OSBPL10: variants seen among roughly 807,000 people sequenced by gnomAD.
OSBPL10 encodes the protein oxysterol binding protein like 10, also known as oxysterol-binding protein-related protein 10.
Under a neutral mutation model 81.7 loss-of-function variants are expected in OSBPL10, and 49 were observed. The observed-to-expected ratio is 0.60, with a 90% CI of 0.48 to 0.76. OSBPL10 has a LOEUF of 0.76. OSBPL10 is among the 30% of genes least tolerant of loss of function. The probability of loss-of-function intolerance (pLI) is 0.00; values close to 1 mark genes in which losing one functional copy is unlikely to be tolerated. For synonymous variants in OSBPL10, 419 were observed against 383.6 expected, an observed-to-expected ratio of 1.09 and a Z score of -1.08; for missense variants, 923 against 987.8, an observed-to-expected ratio of 0.93 and a Z score of 0.88.
intron 7 of OSBPL10, among the ~76,000 whole-genome samples, chr3:31,685,471 A>G (rs1372305037): frequency 6.6e-6 from 1 of 152,210 alleles, no homozygotes; most frequent in East Asian, 1.9e-4. Flanking sequence ...CCAAACAGTT[A>G]TCGGGTATTA....
intron 4 of OSBPL10, among the ~76,000 whole-genome samples, chr3:31,790,574 G>A (rs1402939230): frequency 2.0e-5 from 3 of 152,164 alleles, no homozygotes; most frequent in Non-Finnish European, 1.5e-5. Context: ...AAGATTAAGA[G>A]GCCATCTGAT....
At chr3:31,724,177 C>T (rs1345892575) in intron 6 of OSBPL10, among the ~76,000 whole-genome samples, 1 of 152,188 alleles carries the variant, frequency 6.6e-6, no homozygotes, top group Non-Finnish European at 1.5e-5. Flanking sequence ...AAAACTCAGA[C>T]TAAACACTGC....
Position 31,683,785 on chromosome 3 carries a change from T to C in OSBPL10, c.1575A>G (p.Lys525=), listed in dbSNP as rs1700718319. The change falls in exon 8 of 12, where the codon AAA becomes AAG. Residue 525 remains lysine, a synonymous_variant. Transcript: ENST00000396556. ...ACACTTGCTCAGCCACAAACCTTAG[T>C]TTGTAGCTTTTGGAAGGGTCATCGG... ...PMADDPSKSY[K]LRFVAEQVSH... is the part of the protein sequence containing the mutation. The C allele has an allele frequency of 1.9e-6, 3 of 1,614,092 alleles. No individual in the cohort carries two copies. Among genetic ancestry groups the C allele is most frequent in the Non-Finnish European group, 2.5e-6 (3 of 1,180,026 alleles).
At chr3:31,948,272 G>A (rs1697761269) in intron 1 of OSBPL10, among the ~76,000 whole-genome samples, 1 of 152,086 alleles carries the variant, frequency 6.6e-6, no homozygotes, top group African/African-American at 2.4e-5. Flanking sequence ...AAAGAGGGAA[G>A]GGCCATTCAT....
At chr3:31,740,591 C>CA (rs34945935) in intron 5 of OSBPL10, among the ~76,000 whole-genome samples, 2 of 150,744 alleles carry the variant, frequency 1.3e-5, no homozygotes, top group South Asian at 2.1e-4. Flanking sequence ...TGAGGACTAC[C>CA]AAAAAAAATA....
intron 1 of OSBPL10, among the ~76,000 whole-genome samples, chr3:32,071,548 T>C (rs1002837842): frequency 2.0e-5 from 3 of 152,230 alleles, no homozygotes; most frequent in Non-Finnish European, 2.9e-5. Flanking sequence ...GTAGCCTTTT[T>C]GTCCAAACAA....
chr3:31,993,681 TACACACACAC>T (rs139678560), intron 2 of OSBPL10, among the ~76,000 whole-genome samples: 3 of 147,216 alleles, frequency 2.0e-5, no homozygotes, highest in African/African-American at 7.5e-5. Flanking sequence ...TACACACACA[TACACACACAC>T]ACACACACAC....
intron 2 of OSBPL10, among the ~76,000 whole-genome samples, chr3:32,033,146 T>C (rs2087994963): frequency 6.6e-6 from 1 of 152,128 alleles, no homozygotes; most frequent in South Asian, 2.1e-4. Flanking sequence ...ATATTAAAGC[T>C]CAGTGGTTTT....
intron 2 of OSBPL10, among the ~76,000 whole-genome samples, chr3:32,041,297 C>T (rs901089): frequency 0.78 from 118,077 of 152,168 alleles, 46,510 homozygotes; most frequent in East Asian, 1. Flanking sequence ...AACAAAGTGT[C>T]ATTTCTTCTG....
intron 3 of OSBPL10, among the ~76,000 whole-genome samples, chr3:31,832,509 T>C (rs934887872): frequency 6.6e-6 from 1 of 152,206 alleles, no homozygotes; most frequent in Non-Finnish European, 1.5e-5. Context: ...ACCTACTATG[T>C]GCCTAGGAAA....
At chr3:31,671,010 G>A (rs1163175979) in intron 8 of OSBPL10, 27 bp from the exon 9 acceptor site, 1 of 1,579,988 alleles carries the variant, frequency 6.3e-7, no homozygotes, top group Non-Finnish European at 8.6e-7. Flanking sequence ...GGGAGAGTTA[G>A]GCATGCAAAC....
chr3:31,834,624 A>G (rs1476539906), intron 3 of OSBPL10, among the ~76,000 whole-genome samples: 3 of 152,242 alleles, frequency 2.0e-5, no homozygotes, highest in Non-Finnish European at 4.4e-5. Flanking sequence ...ATATGCTTTG[A>G]ATCTACTGGC....
At chr3:31,816,583 G>A (rs781114439) in intron 4 of OSBPL10, among the ~76,000 whole-genome samples, 9 of 152,200 alleles carry the variant, frequency 5.9e-5, no homozygotes, top group Non-Finnish European at 1.3e-4. Context: ...ATTAATCTGG[G>A]CCAGGCACAG....
At chr3:31,911,702 C>T (rs141480678) in intron 1 of OSBPL10, among the ~76,000 whole-genome samples, 49 of 152,224 alleles carry the variant, frequency 3.2e-4, no homozygotes, top group African/African-American at 1.2e-3. Flanking sequence ...TCCTGGGCCA[C>T]AGGCAGAGCA....
At chr3:31,918,361 T>G (rs1696816583) in intron 1 of OSBPL10, among the ~76,000 whole-genome samples, 1 of 151,430 alleles carries the variant, frequency 6.6e-6, no homozygotes, top group African/African-American at 2.4e-5. Flanking sequence ...CAGGGTCTCA[T>G]TCTGTTGCCC....
intron 4 of OSBPL10, among the ~76,000 whole-genome samples, chr3:31,793,133 C>T (rs1699074537): frequency 6.6e-6 from 1 of 152,120 alleles, no homozygotes; most frequent in African/African-American, 2.4e-5. Context: ...ACGAACCAAC[C>T]AAAGAGGGCA....
chr3:31,798,810 T>C (rs1174314152), intron 4 of OSBPL10, among the ~76,000 whole-genome samples: 1 of 152,186 alleles, frequency 6.6e-6, no homozygotes. Flanking sequence ...AGAGCTTGTA[T>C]CTGAATTGCA....
intron 3 of OSBPL10, among the ~76,000 whole-genome samples, chr3:31,874,936 A>G (rs1406139897): frequency 6.6e-6 from 1 of 152,154 alleles, no homozygotes; most frequent in Non-Finnish European, 1.5e-5. Context: ...TGACAACAAC[A>G]ATAAGGAAAC....
intron 2 of OSBPL10, among the ~76,000 whole-genome samples, chr3:32,015,818 T>C (rs1451693708): frequency 6.6e-6 from 1 of 152,214 alleles, no homozygotes; most frequent in Non-Finnish European, 1.5e-5. Context: ...AAAGAAGATA[T>C]TTATGCAGCC....
Sources: gnomAD v4.1 joint callset for allele counts (sites outside exome capture counted in the v4.1 genomes callset) on GRCh38, gnomAD v4.1.1 for gene constraint, MANE v1.5 for transcripts, NCBI Gene and HGNC (gene_info 2026-07-23, HGNC 2026-07-21) for gene names.